The following CHD2 variants were observed in gnomAD, a reference collection of about 807,000 sequenced individuals.
CHD2 encodes ATP-dependent chromatin remodeler CHD2.
In CHD2, 28 loss-of-function variants were observed where a neutral mutation model predicts 243.9. That is an observed-to-expected ratio of 0.11 (90% CI 0.09 to 0.16). The LOEUF is 0.16. Ranked by LOEUF, CHD2 falls within the 10% of genes least tolerant of loss-of-function variation. CHD2 has a pLI of 1.00. For synonymous variants in CHD2, 775 were observed against 779.0 expected (o/e 0.99, Z 0.09); for missense variants, 1,386 against 2,209.8 (o/e 0.63, Z 7.47).
intron 26 of CHD2, 61 bp from the exon 27 acceptor site, chr15:92,991,415 C>A: frequency 8.0e-7 from 1 of 1,252,488 alleles, no homozygotes; most frequent in Non-Finnish European, 1.2e-6. Flanking sequence ...GATATGCTAG[C>A]ATCAACATAA....
chr15:92,989,950 T>G (rs951924933), intron 26 of CHD2, among the ~76,000 whole-genome samples: 1 of 152,240 alleles, frequency 6.6e-6, no homozygotes, highest in Non-Finnish European at 1.5e-5. Flanking sequence ...AGAGTATCTA[T>G]CCTATGAACA....
At chr15:93,010,862 A>G (rs1393602128) in intron 35 of CHD2, among the ~76,000 whole-genome samples, 2 of 152,220 alleles carry the variant, frequency 1.3e-5, no homozygotes, top group African/African-American at 2.4e-5. Flanking sequence ...GAACTTGTAT[A>G]TAGTTCATGG....
intron 8 of CHD2, among the ~76,000 whole-genome samples, chr15:92,942,359 T>C (rs1386700758): frequency 1.3e-5 from 2 of 152,098 alleles, no homozygotes; most frequent in African/African-American, 4.8e-5. Flanking sequence ...AAGTAAACTT[T>C]CTGTAAAGGA....
At chr15:92,911,616 T>A (rs931062013) in intron 2 of CHD2, among the ~76,000 whole-genome samples, 1 of 152,064 alleles carries the variant, frequency 6.6e-6, no homozygotes, top group African/African-American at 2.4e-5. Context: ...TGCACTCCTG[T>A]AATACCGGCT....
chr15:92,917,372 G>C (rs866523924), intron 2 of CHD2, among the ~76,000 whole-genome samples: 1 of 152,064 alleles, frequency 6.6e-6, no homozygotes, highest in African/African-American at 2.4e-5. Flanking sequence ...CAGCCTGGCC[G>C]ACATGGTGAA....
intron 10 of CHD2, 163 bp downstream of exon 10, chr15:92,944,678 G>T (rs78353573): frequency 7.7e-6 from 3 of 387,386 alleles, no homozygotes; most frequent in East Asian, 7.5e-5. Flanking sequence ...ATTTGGATGT[G>T]GGGGATGAGA....
chr15:92,904,052 G>T (rs1482383008), intron 2 of CHD2, among the ~76,000 whole-genome samples: 1 of 152,178 alleles, frequency 6.6e-6, no homozygotes, highest in Non-Finnish European at 1.5e-5. Flanking sequence ...TAAACTAATA[G>T]AAATCTGAAA....
chr15:92,983,250 T>G (rs1269177757), intron 24 of CHD2, among the ~76,000 whole-genome samples: 1 of 152,168 alleles, frequency 6.6e-6, no homozygotes, highest in Non-Finnish European at 1.5e-5. Flanking sequence ...GCTCCTTTCT[T>G]CAGCAATAAA....
intron 13 of CHD2, among the ~76,000 whole-genome samples, chr15:92,949,636 G>A (rs1186042094): frequency 6.6e-6 from 1 of 152,192 alleles, no homozygotes; most frequent in Non-Finnish European, 1.5e-5. Context: ...AAAAAAAGAT[G>A]AGACAGTGAT....
In CHD2 at chr15:92,972,384, T is replaced by G; in HGVS notation, c.2472T>G (p.Ala824=). 6.2e-7 allele frequency: 1 copy of G among 1,611,156 alleles called. No homozygotes were observed. ...TGGTGAGAATGTTGGATATCCTGGC[T>G]GAATACCTAACTATTAAACACTATC... ...SQMVRMLDIL[A]EYLTIKHYPF... The change falls in exon 19 of 39, where the codon GCT becomes GCG. Residue 824 remains alanine, a synonymous_variant. Coordinates refer to ENST00000394196, the MANE Select transcript of CHD2 (RefSeq NM_001271.4).
intron 34 of CHD2, among the ~76,000 whole-genome samples, chr15:93,007,463 G>T (rs2054335586): frequency 6.6e-6 from 1 of 151,810 alleles, no homozygotes; most frequent in Admixed American, 6.6e-5. Flanking sequence ...TTAGTTTTTG[G>T]TATATTTTTT....
intron 28 of CHD2, among the ~76,000 whole-genome samples, chr15:92,996,547 GTGT>G: frequency 6.6e-6 from 1 of 152,088 alleles, no homozygotes. Flanking sequence ...TTCAGTAATA[GTGT>G]TGTGAAGATC....
At chr15:92,965,137 A>C (rs1297568615) in intron 16 of CHD2, 1 of 152,214 alleles carries the variant, frequency 6.6e-6, no homozygotes, top group Non-Finnish European at 1.5e-5. Context: ...GCAGGGATTT[A>C]TCTAAAATAT....
At chr15:93,009,091 CA>C in intron 34 of CHD2, 53 bp from the exon 35 acceptor site, 2 of 1,579,834 alleles carry the variant, frequency 1.3e-6, no homozygotes, top group South Asian at 1.1e-5. Flanking sequence ...AAGCAAAGGA[CA>C]AGACTTACTT....
rs762180181 is a variant in CHD2, at chr15:92,967,502, A to G, written c.2178A>G (p.Lys726=). 30 of 1,613,628 alleles carry G rather than the reference A, an allele frequency of 1.9e-5. No homozygotes were observed. Among genetic ancestry groups the G allele is most frequent in the Non-Finnish European group, 2.5e-5 (29 of 1,179,786 alleles). Residue 726 remains lysine (K), a synonymous_variant, in exon 17 of 39, where the codon AAA becomes AAG. Transcript: ENST00000394196. Reference sequence around the variant, plus strand: ...GGGTGGAGATGTCAGCCCTTCAGAAACAGTATTACAAGTAAGTTCTTGTTT... The same window carrying G: ...GGGTGGAGATGTCAGCCCTTCAGAAGCAGTATTACAAGTAAGTTCTTGTTT... ...ILRVEMSALQ[K]QYYKWILTRN...
intron 2 of CHD2, among the ~76,000 whole-genome samples, chr15:92,907,386 A>G (rs2052643018): frequency 6.6e-6 from 1 of 152,206 alleles, no homozygotes; most frequent in South Asian, 2.1e-4. Context: ...GAGTCCCTGT[A>G]GTTTGGGGAA....
chr15:92,973,790 G>A (rs182335334), intron 19 of CHD2, among the ~76,000 whole-genome samples: 1 of 152,326 alleles, frequency 6.6e-6, no homozygotes, highest in East Asian at 1.9e-4. Flanking sequence ...AGCTTGGTCA[G>A]TGACTTTTAG....
intron 2 of CHD2, among the ~76,000 whole-genome samples, chr15:92,905,833 T>C (rs2052611163): frequency 1.3e-5 from 2 of 152,224 alleles, no homozygotes; most frequent in Admixed American, 6.5e-5. Context: ...TAGAACTTGA[T>C]GAACGTTTAA....
intron 2 of CHD2, chr15:92,904,550 G>C: frequency 9.9e-7 from 1 of 1,005,292 alleles, no homozygotes; most frequent in Non-Finnish European, 1.2e-6. Flanking sequence ...TCCTGGACGC[G>C]TTTGCTCCTG....
Sources: allele counts gnomAD v4.1 joint callset (sites outside exome capture counted in the v4.1 genomes callset), GRCh38; gene constraint gnomAD v4.1.1; transcripts MANE v1.5; gene names NCBI Gene and HGNC (gene_info 2026-07-23, HGNC 2026-07-21).